Variants in AHNAK2 observed in about 807,000 individuals in gnomAD.
The protein encoded by AHNAK2 is protein AHNAK2.
In AHNAK2, 18 loss-of-function variants were observed where a neutral mutation model predicts 30.7. That is an observed-to-expected ratio of 0.59 (90% confidence interval 0.41 to 0.87). AHNAK2 has a LOEUF of 0.87. Among genes scored for constraint, AHNAK2 ranks in the 40% least tolerant of loss-of-function variants. The pLI is 0.00. For missense variants in AHNAK2, 8,604 were observed against 7,373.0 expected (o/e 1.17, Z -6.11); for synonymous variants, 3,590 against 3,073.8 (o/e 1.17, Z -5.56).
rs535560691 is a variant in AHNAK2, at chr14:104,947,532, C to A, written c.7919G>T (p.Gly2640Val). The change falls in exon 7 of 7, where the codon GGT becomes GTT. Residue 2640 changes from glycine to valine, a missense_variant. Transcript: ENST00000333244. ...GAACTTGCTATCTTTGGCTGTCACA[C>A]CCTTGTCGGCCAGGGACAGGTCCCC... ...LEGDLSLADK[G>V]VTAKDSKFKM... 1.2e-6 allele frequency: 2 copies of A among 1,611,630 alleles called. No homozygotes were observed. Among genetic ancestry groups the A allele is most frequent in the South Asian group, 1.1e-5 (1 of 90,956 alleles).
Position 104,950,827 on chromosome 14 carries a change from T to A in AHNAK2, c.4624A>T (p.Ser1542Cys), listed in dbSNP as rs749134528. 1.0e-5 allele frequency: 16 copies of A among 1,585,322 alleles called. No individual in the cohort carries two copies. In the African/African-American group the frequency reaches 1.9e-4, roughly 19 times the overall value. The change falls in exon 7 of 7, where the codon AGC becomes TGC. Residue 1542 changes from serine to cysteine, a missense_variant. Ser to Cys is a moderately radical substitution (Grantham distance 112). Coordinates refer to ENST00000333244, the MANE Select transcript of AHNAK2 (RefSeq NM_138420.4). ...AGGTCAGCAGAAGGGGGCTGTATGC[T>A]CAGGTCAGTGGCCTTGAGGTCCCCC... ...MQGDLKATDL[S>C]IQPPSADLEV...
In AHNAK2 at chr14:104,946,850, G is replaced by C; in HGVS notation, c.8601C>G (p.Ser2867=). The C allele has an allele frequency of 6.2e-7, 1 of 1,610,594 alleles. No individual in the cohort carries two copies. Among genetic ancestry groups the C allele is most frequent in the Non-Finnish European group, 8.5e-7 (1 of 1,178,914 alleles). The change falls in exon 7 of 7, where the codon TCC becomes TCG. Residue 2867 remains serine, a synonymous_variant. Transcript: ENST00000333244. The part of the protein sequence containing the change: ...KTTDIRIQPP[S]AQLEVQAGQV... ...GGCCAGCCTGGACCTCCAGTTGGGCGGAGGGGGGCTGAATGCGGATGTCAG... is the reference window on the plus strand; with the variant it reads ...GGCCAGCCTGGACCTCCAGTTGGGCCGAGGGGGGCTGAATGCGGATGTCAG...
In AHNAK2 at chr14:104,977,646, A is replaced by T. The variant is rs1595436880; in HGVS notation, c.55+537T>A. ...GCCCAGCCCTGCCTGGAAGCCCCGG[A>T]CCAAAGTGGAGAGCCCAGACTCCTG... On this transcript the variant is annotated intron_variant, in intron 1 of 6. Transcript: ENST00000333244. 1.3e-5 allele frequency among the ~76,000 whole-genome samples: 2 copies of T among 152,120 alleles called. 1 individual carries two copies. The highest frequency in any genetic ancestry group is 3.9e-4 in the East Asian group (2 of 5,180).
chr14:104,959,209 G>A (rs1484057731), intron 1 of AHNAK2, among the ~76,000 whole-genome samples: 1 of 152,118 alleles, frequency 6.6e-6, no homozygotes, highest in Non-Finnish European at 1.5e-5. Flanking sequence ...GTCTCACTCT[G>A]TCACCCAGGA....
chr14:104,955,254 G>A (rs1898937741), intron 5 of AHNAK2, 113 bp from the exon 6 acceptor site: 7 of 1,358,988 alleles, frequency 5.2e-6, no homozygotes, highest in Non-Finnish European at 7.0e-6. Context: ...GAATCCCACT[G>A]AGTCTGCCCC....
chr14:104,942,395 G>C lies in AHNAK2; in HGVS notation c.13056C>G (p.Ser4352=), dbSNP rs747664419. 6.2e-7 allele frequency: 1 copy of C among 1,613,054 alleles called. No individual in the cohort carries two copies. The highest frequency in any genetic ancestry group is 8.5e-7 in the Non-Finnish European group (1 of 1,179,614). Residue 4352 remains serine (S), a synonymous_variant, in exon 7 of 7, where the codon TCC becomes TCG. Coordinates refer to ENST00000333244, the MANE Select transcript of AHNAK2 (RefSeq NM_138420.4). ...KTTHLSIQPP[S]ADLEVQAGQE... The stretch of plus-strand genomic sequence containing the variant: ...GGCCAGCCTGGACCTCCAGATCAGC[G>C]GAAGGGGGCTGAATGCTGAGGTGAG...
chr14:104,957,415 G>C lies in AHNAK2; in HGVS notation c.208C>G (p.Leu70Val). Residue 70 changes from leucine to valine, a missense_variant, in exon 3 of 7, where the codon CTC becomes GTC. By Grantham distance (32) the Leu-to-Val change is conservative. Transcript: ENST00000333244. ...EYTTEAADFG[L>V]QEDAPGRQGS... ...GCTCTGCCCAGCAGGCTCACCTGGA[G>C]TCCAAAGTCGGCAGCCTCAGTCGTG... The C allele has an allele frequency of 6.3e-7, 1 of 1,585,736 alleles. No homozygotes were observed. The highest frequency in any genetic ancestry group is 8.6e-7 in the Non-Finnish European group (1 of 1,159,820).
rs546099744 is a variant in AHNAK2, at chr14:104,944,660, G to A, written c.10791C>T (p.Val3597=). The A allele has an allele frequency of 6.4e-5, 103 of 1,607,946 alleles. No homozygotes were observed. The highest frequency in any genetic ancestry group is 1.7e-4 in the Admixed American group (10 of 59,452). Residue 3597 remains valine, a synonymous_variant, in exon 7 of 7, where the codon GTC becomes GTT. Coordinates refer to ENST00000333244, the MANE Select transcript of AHNAK2 (RefSeq NM_138420.4). ...GPKAEVRVPD[V]EVSLPSVEVD... Reference sequence around the variant, plus strand: ...CCTCCACGCTGGGCAGAGACACCTCGACATCGGGGACTCTCACTTCTGCCT... The same window carrying A: ...CCTCCACGCTGGGCAGAGACACCTCAACATCGGGGACTCTCACTTCTGCCT...
chr14:104,944,945 C>A lies in AHNAK2; in HGVS notation c.10506G>T (p.Lys3502Asn). The A allele has an allele frequency of 6.2e-7, 1 of 1,613,290 alleles. No individual in the cohort carries two copies. Among genetic ancestry groups the A allele is most frequent in the Non-Finnish European group, 8.5e-7 (1 of 1,179,642 alleles). The change falls in exon 7 of 7, where the codon AAG (lysine) becomes AAT (asparagine). Residue 3502 changes from lysine (K) to asparagine (N), a missense_variant. By Grantham distance (94) the Lys-to-Asn change is moderately conservative. Coordinates refer to ENST00000333244, the MANE Select transcript of AHNAK2 (RefSeq NM_138420.4). ...AGGAGAGGCTCACGTCGGCCTCCAC[C>A]TTCGGCGCAGACACATCCAGCGAGG... is the stretch of plus-strand genomic sequence containing the variant. Reference protein sequence around the residue: ...IEASLDVSAPKVEADVSLSSM... With the variant: ...IEASLDVSAPNVEADVSLSSM...
chr14:104,956,820 C>T, intron 3 of AHNAK2, 131 bp from the exon 4 acceptor site: 2 of 796,220 alleles, frequency 2.5e-6, no homozygotes, highest in South Asian at 1.5e-5. Flanking sequence ...CAGCTGTGTG[C>T]AGAGGCAGCC....
Position 104,952,135 on chromosome 14 carries a change from G to A in AHNAK2, c.3316C>T (p.Pro1106Ser), listed in dbSNP as rs756389100. 5 of 1,612,424 alleles carry A rather than the reference G, an allele frequency of 3.1e-6. No homozygotes were observed. In the South Asian group the frequency reaches 3.3e-5, roughly 11 times the overall value. Residue 1106 changes from proline (P) to serine (S), a missense_variant, in exon 7 of 7, where the codon CCC becomes TCC. Physicochemically the swap from Pro to Ser is moderately conservative, Grantham distance 74. Transcript: ENST00000333244. ...TTGGGGCTTTTCAGGTCCAGCTTGG[G>A]GCCCTTGACGTCCACCTGGGGGCCC... is the stretch of plus-strand genomic sequence containing the variant. ...LKGPQVDVKG[P>S]KLDLKSPKAE...
rs753533378 is a variant in AHNAK2 at position 104,949,588 on chromosome 14, C to T, written c.5863G>A (p.Glu1955Lys). ...PDVEVSLPSM[E>K]VDVQAQKAKL... ...GCCTTCTGGGCCTGGACATCCACCTCCATGCTGGGCAGAGACACCTCGACA... is the reference window on the plus strand; with the variant it reads ...GCCTTCTGGGCCTGGACATCCACCTTCATGCTGGGCAGAGACACCTCGACA... The change falls in exon 7 of 7, where the codon GAG (glutamate) becomes AAG (lysine). Residue 1955 changes from glutamate (E) to lysine (K), a missense_variant. Physicochemically the swap from Glu to Lys is moderately conservative, Grantham distance 56. Transcript: ENST00000333244. The T allele has an allele frequency of 1.8e-4, 281 of 1,589,276 alleles. 27 individuals carry two copies. Among genetic ancestry groups the T allele is most frequent in the Non-Finnish European group, 2.1e-4 (245 of 1,163,502 alleles).
In AHNAK2 at chr14:104,949,502, G is replaced by A. The variant is rs1222644760; in HGVS notation, c.5949C>T (p.Ala1983=). ...DLSLADKDMT[A]KDSKFKMPKF... is the part of the protein sequence containing the mutation. The stretch of plus-strand genomic sequence containing the variant: ...TGGGCATTTTGAACTTGCTGTCTTT[G>A]GCAGTCATGTCCTTGTCGGCCAGGG... The change falls in exon 7 of 7, where the codon GCC becomes GCT. Residue 1983 remains alanine (A), a synonymous_variant. Transcript: ENST00000333244. The A allele has an allele frequency of 8.8e-6, 14 of 1,587,954 alleles. 2 individuals carry two copies. The South Asian group carries it at 1.3e-4, about 15-fold the overall frequency.
rs1348223384 is a variant in AHNAK2 at position 104,953,051 on chromosome 14, C to T, written c.2400G>A (p.Glu800=). The change falls in exon 7 of 7, where the codon GAG becomes GAA. Residue 800 remains glutamate, a synonymous_variant. Coordinates refer to ENST00000333244, the MANE Select transcript of AHNAK2 (RefSeq NM_138420.4). ...PDVKMSLSSM[E]VDVQAPRAKL... ...TTGCTCTCGGGGCCTGGACGTCCACCTCCATGCTGGACAGAGACATCTTCA... is the reference window on the plus strand; with the variant it reads ...TTGCTCTCGGGGCCTGGACGTCCACTTCCATGCTGGACAGAGACATCTTCA... 6.2e-7 allele frequency: 1 copy of T among 1,613,362 alleles called. No homozygotes were observed. The highest frequency in any genetic ancestry group is 1.3e-5 in the African/African-American group (1 of 74,628).
chr14:104,946,677 A>T lies in AHNAK2; in HGVS notation c.8774T>A (p.Leu2925Gln), dbSNP rs776422568. 3 of 1,612,510 alleles carry T rather than the reference A, an allele frequency of 1.9e-6. No individual in the cohort carries two copies. The highest frequency in any genetic ancestry group is 2.5e-6 in the Non-Finnish European group (3 of 1,179,628). The change falls in exon 7 of 7, where the codon CTG becomes CAG. Residue 2925 changes from leucine (L) to glutamine (Q), a missense_variant. Physicochemically the swap from Leu to Gln is moderately radical, Grantham distance 113. Transcript: ENST00000333244. ...CGTCACCTCCGCCTTGGGGCCTTTC[A>T]GGTCCAGCTTGGGGCCCTTGACGTC... ...QIDVKGPKLD[L>Q]KGPKAEVTAP...
chr14:104,960,527 T>G (rs1899106642), intron 1 of AHNAK2, among the ~76,000 whole-genome samples: 1 of 152,222 alleles, frequency 6.6e-6, no homozygotes. Context: ...AATTTTGGTA[T>G]CTGAGGGAGG....
chr14:104,968,745 G>A (rs969227032), intron 1 of AHNAK2, among the ~76,000 whole-genome samples: 3 of 152,220 alleles, frequency 2.0e-5, no homozygotes, highest in Non-Finnish European at 4.4e-5. Context: ...CTGGGTGGGA[G>A]GAACGAATGG....
Position 104,947,237 on chromosome 14 carries a change from A to C in AHNAK2, c.8214T>G (p.Ser2738Arg). ...KGHLPKLQMP[S>R]FKMPEVDLKG... ...TGAGGTCCACTTCAGGCATCTTGAA[A>C]CTGGGCATCTGCAGCTTGGGCAGGT... The change falls in exon 7 of 7, where the codon AGT becomes AGG. Residue 2738 changes from serine to arginine, a missense_variant. By Grantham distance (110) the Ser-to-Arg change is moderately radical (BLOSUM62 -1). Transcript: ENST00000333244. 1 of 1,611,256 alleles carries C rather than the reference A, an allele frequency of 6.2e-7. No homozygotes were observed. The highest frequency in any genetic ancestry group is 8.5e-7 in the Non-Finnish European group (1 of 1,179,264).
chr14:104,951,697 G>A lies in AHNAK2; in HGVS notation c.3754C>T (p.Pro1252Ser). The change falls in exon 7 of 7, where the codon CCT (proline) becomes TCT (serine). Residue 1252 changes from proline (P) to serine (S), a missense_variant. Transcript: ENST00000333244. ...TCCACTTTGGGCATCTTCAAACTAGGCATCTGCACCTTGGGCAGGTGCCCT... is the reference window on the plus strand; with the variant it reads ...TCCACTTTGGGCATCTTCAAACTAGACATCTGCACCTTGGGCAGGTGCCCT... ...FKGHLPKVQM[P>S]SLKMPKVDLK... is the part of the protein sequence containing the mutation. 2 of 1,246,068 alleles carry A rather than the reference G, an allele frequency of 1.6e-6. 1 individual carries two copies. Among genetic ancestry groups the A allele is most frequent in the Non-Finnish European group, 2.3e-6 (2 of 880,566 alleles). 77.2% of individuals were successfully genotyped at this position (1,246,068 alleles called of 1,614,324 possible). A position where few individuals can be genotyped will look rare whatever the true frequency, so the allele number is the denominator to read the frequency against.
Sources: gnomAD v4.1 joint callset for allele counts (sites outside exome capture counted in the v4.1 genomes callset) on GRCh38, gnomAD v4.1.1 for gene constraint, MANE v1.5 for transcripts, NCBI Gene and HGNC (gene_info 2026-07-23, HGNC 2026-07-21) for gene names.